Variants in TPRG1 observed in about 807,000 individuals in gnomAD.
The protein encoded by TPRG1 is tumor protein p63 regulated 1.
A neutral mutation model predicts 29.3 loss-of-function variants in TPRG1; 29 were observed. The observed-to-expected ratio is 0.99, with a 90% CI of 0.74 to 1.35. The LOEUF (loss-of-function observed/expected upper bound fraction) is 1.35. Ranked by LOEUF, TPRG1 falls within the 40% of genes most tolerant of loss-of-function variation. TPRG1 has a pLI of 0.00. For missense variants in TPRG1, 327 were observed against 335.0 expected (o/e 0.98, Z 0.19); for synonymous variants, 130 against 116.8 (o/e 1.11, Z -0.73).
intron 3 of TPRG1, among the ~76,000 whole-genome samples, chr3:189,016,362 C>T (rs945232657): frequency 2.6e-5 from 4 of 152,024 alleles, no homozygotes; most frequent in African/African-American, 9.7e-5. Flanking sequence ...AAGTATGTCC[C>T]TTCTGTATAT....
At chr3:189,134,061 C>T (rs937690504) in intron 3 of TPRG1, among the ~76,000 whole-genome samples, 10 of 152,022 alleles carry the variant, frequency 6.6e-5, no homozygotes, top group African/African-American at 2.2e-4. Flanking sequence ...GCTATTCAAC[C>T]CATAGTTTCT....
intron 1 of TPRG1, among the ~76,000 whole-genome samples, chr3:189,108,468 C>A (rs1308203114): frequency 6.6e-6 from 1 of 151,446 alleles, no homozygotes. Context: ...ATTACTTTTT[C>A]TCTGATTATT....
rs112450617 is a variant in TPRG1, at chr3:189,183,180, G to A, written c.-10+11049G>A. Among the ~76,000 whole-genome samples, 138 of 152,198 alleles carry A rather than the reference G, an allele frequency of 9.1e-4. 3 individuals carry two copies. Among genetic ancestry groups the A allele is most frequent in the Middle Eastern group, 3.4e-3 (1 of 294 alleles). On this transcript the variant is annotated intron_variant, in intron 1 of 5. Transcript: ENST00000345063. ...AAAGAGAGAAATTTTAAAGCTGGGCGTCCGGGGGAGACATCACATGTCGGT... is the reference window on the plus strand; with the variant it reads ...AAAGAGAGAAATTTTAAAGCTGGGCATCCGGGGGAGACATCACATGTCGGT...
At chr3:189,251,093 C>G (rs1205728617) in intron 4 of TPRG1, among the ~76,000 whole-genome samples, 1 of 152,080 alleles carries the variant, frequency 6.6e-6, no homozygotes, top group Non-Finnish European at 1.5e-5. Flanking sequence ...CTCTCTCTCT[C>G]TCTTTCCTTA....
At chr3:189,273,039 C>T (rs1023580776) in intron 4 of TPRG1, among the ~76,000 whole-genome samples, 3 of 152,164 alleles carry the variant, frequency 2.0e-5, no homozygotes, top group South Asian at 2.1e-4. Flanking sequence ...GAAAGAGAAT[C>T]CACTGCTTCC....
At chr3:189,046,864 A>G (rs1578239244) in intron 4 of TPRG1, among the ~76,000 whole-genome samples, 1 of 152,168 alleles carries the variant, frequency 6.6e-6, no homozygotes, top group South Asian at 2.1e-4. Context: ...AACTCAGACT[A>G]CCACCACTAA....
At chr3:189,166,063 T>A (rs1433937228) in intron 5 of TPRG1, among the ~76,000 whole-genome samples, 1 of 152,218 alleles carries the variant, frequency 6.6e-6, no homozygotes, top group Non-Finnish European at 1.5e-5. Context: ...ATAATAAAGA[T>A]GAAAATTAAA....
At chr3:189,067,754 T>C (rs1560424477) in intron 4 of TPRG1, among the ~76,000 whole-genome samples, 1 of 152,152 alleles carries the variant, frequency 6.6e-6, no homozygotes, top group Non-Finnish European at 1.5e-5. Flanking sequence ...CTCTAGGACA[T>C]TGGTCTGGGC....
chr3:189,027,847 TGAACA>T (rs1713741421), intron 4 of TPRG1, among the ~76,000 whole-genome samples: 1 of 152,158 alleles, frequency 6.6e-6, no homozygotes, highest in Non-Finnish European at 1.5e-5. Flanking sequence ...AATAGCATTG[TGAACA>T]GTGAGCATGC....
intron 4 of TPRG1, among the ~76,000 whole-genome samples, chr3:189,048,856 C>G (rs116231127): frequency 6.6e-6 from 1 of 152,150 alleles, no homozygotes; most frequent in Non-Finnish European, 1.5e-5. Context: ...CCCTCCCGTC[C>G]GCAACACACA....
intron 3 of TPRG1, among the ~76,000 whole-genome samples, chr3:189,134,617 A>G (rs568661822): frequency 2.1e-5 from 3 of 139,772 alleles, no homozygotes; most frequent in Non-Finnish European, 4.5e-5. Context: ...GGGTCTCACA[A>G]TGTGGTACAG....
chr3:189,205,809 A>G (rs1734235967), intron 1 of TPRG1, among the ~76,000 whole-genome samples: 1 of 152,234 alleles, frequency 6.6e-6, no homozygotes, highest in African/African-American at 2.4e-5. Context: ...AAACCAAGAT[A>G]TTATTTTTAT....
intron 4 of TPRG1, among the ~76,000 whole-genome samples, chr3:189,046,626 A>G (rs1714992997): frequency 6.6e-6 from 1 of 152,228 alleles, no homozygotes; most frequent in Non-Finnish European, 1.5e-5. Flanking sequence ...GCTTCTCTAA[A>G]AGATTTCCTG....
intron 2 of TPRG1, among the ~76,000 whole-genome samples, chr3:189,002,056 C>T (rs1223957049): frequency 5.9e-5 from 9 of 152,192 alleles, no homozygotes; most frequent in Admixed American, 5.9e-4. Context: ...TTAACGTGGC[C>T]TTTGGCTTAA....
At chr3:189,079,939 G>T (rs1234773661) in intron 4 of TPRG1, among the ~76,000 whole-genome samples, 1 of 152,184 alleles carries the variant, frequency 6.6e-6, no homozygotes, top group African/African-American at 2.4e-5. Flanking sequence ...GATAATAAAT[G>T]CTTTGTACCT....
intron 1 of TPRG1, among the ~76,000 whole-genome samples, chr3:189,181,363 T>C (rs77436169): frequency 2.4e-4 from 36 of 152,326 alleles, no homozygotes; most frequent in African/African-American, 8.7e-4. Context: ...TTTCCCAAAC[T>C]TTTATGTTCT....
chr3:189,271,327 T>C (rs1444109656), intron 4 of TPRG1, among the ~76,000 whole-genome samples: 1 of 152,222 alleles, frequency 6.6e-6, no homozygotes, highest in Non-Finnish European at 1.5e-5. Context: ...TGATGGCCTT[T>C]GTCTGTCAGC....
chr3:189,289,094 G>A (rs1718561972), intron 4 of TPRG1, among the ~76,000 whole-genome samples: 2 of 152,176 alleles, frequency 1.3e-5, no homozygotes, highest in South Asian at 4.1e-4. Flanking sequence ...TGAGTGATGG[G>A]AAACACACTG....
At chr3:189,271,687 G>A (rs1312058697) in intron 4 of TPRG1, among the ~76,000 whole-genome samples, 1 of 152,192 alleles carries the variant, frequency 6.6e-6, no homozygotes, top group Non-Finnish European at 1.5e-5. Context: ...ACCTTAGAGA[G>A]TTTCTAAGAC....
Sources: gnomAD v4.1 joint callset for allele counts (sites outside exome capture counted in the v4.1 genomes callset) on GRCh38, gnomAD v4.1.1 for gene constraint, MANE v1.5 for transcripts, NCBI Gene and HGNC (gene_info 2026-07-23, HGNC 2026-07-21) for gene names.